Variants in GCC2 observed in about 807,000 individuals in gnomAD.
GCC2 encodes GRIP and coiled-coil domain containing 2.
A neutral mutation model predicts 210.6 loss-of-function variants in GCC2; 120 were observed. That is an observed-to-expected ratio of 0.57 (90% CI 0.49 to 0.66). GCC2 has a LOEUF of 0.66. GCC2 is among the 30% of genes least tolerant of loss of function. The pLI, the probability that GCC2 is intolerant of heterozygous loss-of-function variation, is 0.00. For missense variants in GCC2, 1,868 were observed against 1,871.9 expected (o/e 1.00, Z 0.04); for synonymous variants, 703 against 652.7 (o/e 1.08, Z -1.17).
At position 108,485,684 on chromosome 2, in the gene GCC2, T is replaced by C. The variant is rs762189707; in HGVS notation, c.3662T>C (p.Ile1221Thr). The change falls in exon 14 of 23, where the codon ATC (isoleucine) becomes ACC (threonine). Residue 1221 changes from isoleucine to threonine, a missense_variant. Physicochemically the swap from Ile to Thr is moderately conservative, Grantham distance 89. This residue lies in a region of GCC2 where 1,847 missense variants were observed against 1,765.2 expected (regional missense o/e 1.05). Coordinates refer to ENST00000309863, the MANE Select transcript of GCC2 (RefSeq NM_181453.4). ...VQQYEEKNTK[I>T]KQLLVKTKKE... The stretch of plus-strand genomic sequence containing the variant: ...CAATATGAAGAAAAAAACACCAAAA[T>C]CAAGCAATTGCTTGTGAAAACCAAA... The C allele has an allele frequency of 1.3e-6, 2 of 1,597,190 alleles. No individual in the cohort carries two copies. The highest frequency in any genetic ancestry group is 1.7e-6 in the Non-Finnish European group (2 of 1,173,420).
At chr2:108,454,729 G>A (rs1018743646) in intron 4 of GCC2, among the ~76,000 whole-genome samples, 15 of 152,112 alleles carry the variant, frequency 9.9e-5, no homozygotes, top group Non-Finnish European at 1.8e-4. Context: ...GTAGAACAGC[G>A]ATAATAATAC....
chr2:108,484,119 G>C, intron 12 of GCC2, 30 bp from the exon 13 acceptor site: 1 of 1,483,968 alleles, frequency 6.7e-7, no homozygotes, highest in Non-Finnish European at 9.1e-7. Context: ...ATCTACTATT[G>C]TGTAAATCTT....
rs1312564750 is a variant in GCC2 at position 108,508,804 on chromosome 2, C to G, written c.*1174C>G. 1.3e-5 allele frequency: 2 copies of G among 152,592 alleles called. No individual in the cohort carries two copies. Among genetic ancestry groups the G allele is most frequent in the Non-Finnish European group, 2.9e-5 (2 of 68,026 alleles). 9.5% of individuals were successfully genotyped at this position (152,592 alleles called of 1,614,324 possible). ...ATGACTAGATCCAAACTGTGTTGTT[C>G]TTAAATCAAAAATTGGATAATTTGT... On this transcript the variant is annotated 3_prime_UTR_variant, in exon 23 of 23. Transcript: ENST00000309863.
chr2:108,461,811 AGG>A (rs1268110581), intron 4 of GCC2, among the ~76,000 whole-genome samples: 2 of 144,192 alleles, frequency 1.4e-5, no homozygotes, highest in African/African-American at 5.2e-5. Context: ...GCCACTAAAT[AGG>A]TTTTCTTTTT....
chr2:108,476,932 C>T (rs889755157), intron 9 of GCC2, among the ~76,000 whole-genome samples: 2 of 152,062 alleles, frequency 1.3e-5, no homozygotes, highest in African/African-American at 4.8e-5. Flanking sequence ...AAATATCCCA[C>T]AGCAGCCATA....
rs1300703183 is a variant in GCC2, at chr2:108,475,608, G to T, written c.2934G>T (p.Lys978Asn). The T allele has an allele frequency of 1.1e-5, 17 of 1,543,848 alleles. No individual in the cohort carries two copies. Among genetic ancestry groups the T allele is most frequent in the Non-Finnish European group, 1.5e-5 (17 of 1,146,410 alleles). Reference protein sequence around the residue: ...NKIKLVAVKAKKELDSSRKET... With the variant: ...NKIKLVAVKANKELDSSRKET... ...TAAAATTAGTTGCCGTAAAGGCAAA[G>T]AAAGAACTAGATTCCAGCAGAAAAG... The change falls in exon 8 of 23, where the codon AAG becomes AAT. Residue 978 changes from lysine (K) to asparagine (N), a missense_variant. Coordinates refer to ENST00000309863, the MANE Select transcript of GCC2 (RefSeq NM_181453.4).
intron 3 of GCC2, among the ~76,000 whole-genome samples, chr2:108,451,550 T>G (rs1679945160): frequency 6.6e-6 from 1 of 152,148 alleles, no homozygotes; most frequent in African/African-American, 2.4e-5. Flanking sequence ...CTGCTGAAGT[T>G]GATTGATTCC....
In GCC2 at chr2:108,500,099, C is replaced by T. The variant is rs577038578; in HGVS notation, c.4984+345C>T. On this transcript the variant is annotated intron_variant, in intron 22 of 22. Coordinates refer to ENST00000309863, the MANE Select transcript of GCC2 (RefSeq NM_181453.4). ...TTAAAAAACATTTATTAGCTTGTTC[C>T]TTTTCTACTTCACGCCTCTTCCTTC... is the stretch of plus-strand genomic sequence containing the variant. Among the ~76,000 whole-genome samples the T allele has an allele frequency of 1.2e-4, 18 of 152,048 alleles. No homozygotes were observed. In the South Asian group the frequency reaches 3.7e-3, roughly 32 times the overall value.
At chr2:108,497,211 G>A in intron 21 of GCC2, 102 bp downstream of exon 21, 1 of 1,583,162 alleles carries the variant, frequency 6.3e-7, no homozygotes, top group African/African-American at 1.3e-5. Flanking sequence ...CCACCTCCCA[G>A]GTTCACGCCA....
Position 108,452,476 on chromosome 2 carries a change from A to T in GCC2, c.216+10A>T, listed in dbSNP as rs780032184. On this transcript the variant is annotated intron_variant, in intron 4 of 22. Transcript: ENST00000309863. The stretch of plus-strand genomic sequence containing the variant: ...TGGTGATATTATTAAGGTAATTATT[A>T]CGTTGGGAAATGTCTAAAGAGAAAT... 1 of 1,451,882 alleles carries T rather than the reference A, an allele frequency of 6.9e-7. No individual in the cohort carries two copies. Among genetic ancestry groups the T allele is most frequent in the African/African-American group, 1.4e-5 (1 of 71,418 alleles). 89.9% of individuals were successfully genotyped at this position (1,451,882 alleles called of 1,614,324 possible).
Position 108,483,059 on chromosome 2 carries a change from C to G in GCC2, c.3346-3C>G. 1 of 1,484,036 alleles carries G rather than the reference C, an allele frequency of 6.7e-7. No individual in the cohort carries two copies. The highest frequency in any genetic ancestry group is 9.4e-7 in the Non-Finnish European group (1 of 1,064,450). The allele number at this position is 1,484,036 out of a possible 1,614,324, so 91.9% of individuals were successfully genotyped here. A position where few individuals can be genotyped will look rare whatever the true frequency, so the allele number is the denominator to read the frequency against. On this transcript the variant is annotated splice_region_variant and splice_polypyrimidine_tract_variant and intron_variant, in intron 11 of 22. Transcript: ENST00000309863. ...TGTGGGTTGTTTTTATTTTTAATTTCAGGAACATGCCACTACTGTAAATGA... is the reference window on the plus strand; with the variant it reads ...TGTGGGTTGTTTTTATTTTTAATTTGAGGAACATGCCACTACTGTAAATGA...
chr2:108,466,005 C>G (rs1409838512), intron 4 of GCC2, among the ~76,000 whole-genome samples: 1 of 152,164 alleles, frequency 6.6e-6, no homozygotes, highest in Non-Finnish European at 1.5e-5. Context: ...TGGTATCTCA[C>G]TGTGGCTTTA....
Position 108,458,182 on chromosome 2 carries a change from G to A in GCC2, c.216+5716G>A, listed in dbSNP as rs78642214. 3.0e-3 allele frequency among the ~76,000 whole-genome samples: 457 copies of A among 152,066 alleles called. 2 individuals carry two copies. Among genetic ancestry groups the A allele is most frequent in the African/African-American group, 0.01 (431 of 41,528 alleles). ...TTCTGCGTCTAGTGAGATGACATACGACTTTTGCCCTTTATTCTGTTGATG... is the reference window on the plus strand; with the variant it reads ...TTCTGCGTCTAGTGAGATGACATACAACTTTTGCCCTTTATTCTGTTGATG... On this transcript the variant is annotated intron_variant, in intron 4 of 22. Coordinates refer to ENST00000309863, the MANE Select transcript of GCC2 (RefSeq NM_181453.4).
Position 108,485,889 on chromosome 2 carries a change from A to T in GCC2, c.3773A>T (p.Gln1258Leu). 6.4e-7 allele frequency: 1 copy of T among 1,573,502 alleles called. No individual in the cohort carries two copies. Among genetic ancestry groups the T allele is most frequent in the Non-Finnish European group, 8.7e-7 (1 of 1,152,558 alleles). The change falls in exon 15 of 23, where the codon CAG (glutamine) becomes CTG (leucine). Residue 1258 changes from glutamine to leucine, a missense_variant. Coordinates refer to ENST00000309863, the MANE Select transcript of GCC2 (RefSeq NM_181453.4). ...AAAGGTGAGCTGGAGGCAAGCCAGC[A>T]GCAAGTAGAAGTCTATAAAGTAAGG... ...SLKGELEASQQQVEVYKIQLA... is the reference protein window; with the variant it reads ...SLKGELEASQLQVEVYKIQLA...
chr2:108,479,187 T>G (rs970905957), intron 9 of GCC2, among the ~76,000 whole-genome samples: 6 of 151,876 alleles, frequency 4.0e-5, no homozygotes, highest in Non-Finnish European at 8.8e-5. Flanking sequence ...ATAAGCCAGA[T>G]TCTAGATTCC....
chr2:108,451,193 G>T (rs1679925961), intron 3 of GCC2, 81 bp downstream of exon 3: 1 of 803,860 alleles, frequency 1.2e-6, no homozygotes. Context: ...TAATGCATTG[G>T]CTTGTTTTTG....
chr2:108,471,316 G>T lies in GCC2; in HGVS notation c.1987G>T (p.Asp663Tyr). 2 of 1,611,598 alleles carry T rather than the reference G, an allele frequency of 1.2e-6. No homozygotes were observed. Among genetic ancestry groups the T allele is most frequent in the South Asian group, 2.2e-5 (2 of 90,480 alleles). Residue 663 changes from aspartate to tyrosine, a missense_variant, in exon 6 of 23, where the codon GAC becomes TAC. Physicochemically the swap from Asp to Tyr is radical, Grantham distance 160. Around this residue, in one of 3 missense-constraint regions of GCC2, gnomAD observed 1,847 missense variants for 1,765.2 expected, o/e 1.05. Transcript: ENST00000309863. The part of the protein sequence containing the change: ...EETLKEKDQN[D>Y]QKLEKLMVQM... Reference sequence around the variant, plus strand: ...GACTTTAAAAGAAAAGGATCAAAATGACCAAAAACTAGAAAAACTTATGGT... The same window carrying T: ...GACTTTAAAAGAAAAGGATCAAAATTACCAAAAACTAGAAAAACTTATGGT...
rs144674150 is a variant in GCC2 at position 108,457,601 on chromosome 2, T to C, written c.216+5135T>C. On this transcript the variant is annotated intron_variant, in intron 4 of 22. Transcript: ENST00000309863. The stretch of plus-strand genomic sequence containing the variant: ...TAGTATGATCATTTCAACAATATTT[T>C]GTGAGCATGAAATGTCTTCCTGCTT... 6.0e-3 allele frequency among the ~76,000 whole-genome samples: 915 copies of C among 152,334 alleles called. 5 individuals carry two copies. Among genetic ancestry groups the C allele is most frequent in the Non-Finnish European group, 0.01 (705 of 68,018 alleles).
intron 4 of GCC2, among the ~76,000 whole-genome samples, chr2:108,466,124 G>C (rs547323940): frequency 6.6e-6 from 1 of 152,274 alleles, no homozygotes; most frequent in East Asian, 1.9e-4. Context: ...ACTTTTTAAT[G>C]GGATTATTTG....
Sources: allele counts gnomAD v4.1 joint callset (sites outside exome capture counted in the v4.1 genomes callset), GRCh38; gene constraint gnomAD v4.1.1; regional missense constraint gnomAD v4.1.1; transcripts MANE v1.5; gene names NCBI Gene and HGNC (gene_info 2026-07-23, HGNC 2026-07-21).